CLN6: variants seen among roughly 807,000 people sequenced by gnomAD.
The protein encoded by CLN6 is CLN6 transmembrane ER protein.
A neutral mutation model predicts 33.3 loss-of-function variants in CLN6; 22 were observed. The observed-to-expected ratio is 0.66, with a 90% CI of 0.47 to 0.94. The LOEUF (loss-of-function observed/expected upper bound fraction) is 0.94, where lower values mean the gene tolerates loss of function less well. Among genes scored for constraint, CLN6 ranks in the 40% least tolerant of loss-of-function variants. The pLI is 0.00. For missense variants in CLN6, 387 were observed against 417.1 expected, an observed-to-expected ratio of 0.93 and a Z score of 0.63; for synonymous variants, 201 against 174.6, an observed-to-expected ratio of 1.15 and a Z score of -1.19.
rs1040306361 is a variant in CLN6 at position 68,214,242 on chromosome 15, T to A, written c.297+48A>T. The A allele has an allele frequency of 3.6e-6, 5 of 1,383,314 alleles. No homozygotes were observed. The Middle Eastern group carries it at 5.3e-4, about 146-fold the overall frequency. 85.7% of individuals were successfully genotyped at this position (1,383,314 alleles called of 1,614,324 possible). A position where few individuals can be genotyped will look rare whatever the true frequency, so the allele number is the denominator to read the frequency against. On this transcript the variant is annotated intron_variant, in intron 3 of 6. Coordinates refer to ENST00000249806, the MANE Select transcript of CLN6 (RefSeq NM_017882.3). ...CTTAGCATCACCTTCCTGCCAGGTG[T>A]GCAAAGAATGGGGATGACAGGAGAG...
chr15:68,223,973 G>A (rs962571880), intron 1 of CLN6, among the ~76,000 whole-genome samples: 1 of 151,938 alleles, frequency 6.6e-6, no homozygotes, highest in Non-Finnish European at 1.5e-5. Context: ...TTAAACCTGG[G>A]AGGCGGAGGT....
At position 68,219,812 on chromosome 15, in the gene CLN6, A is replaced by G. The variant is rs994687756; in HGVS notation, c.84-1162T>C. On this transcript the variant is annotated intron_variant, in intron 1 of 6. Transcript: ENST00000249806. The surrounding 1 kb of genome is among the most constrained non-coding windows in gnomAD (Gnocchi z 4.2). ...CACCTCCAGGGACAAGCAGCCAGCC[A>G]CATCCTAAGAGGACTGAGGTGTGGG... is the stretch of plus-strand genomic sequence containing the variant. 1.3e-5 allele frequency among the ~76,000 whole-genome samples: 2 copies of G among 152,194 alleles called. No individual in the cohort carries two copies. The highest frequency in any genetic ancestry group is 4.8e-5 in the African/African-American group (2 of 41,450).
chr15:68,255,923 A>G (rs1479602499), intron 1 of CLN6, among the ~76,000 whole-genome samples: 1 of 151,934 alleles, frequency 6.6e-6, no homozygotes, highest in African/African-American at 2.4e-5. Flanking sequence ...CCTCCCCAGT[A>G]GCTGGGACTA....
chr15:68,242,428 T>C lies in CLN6; in HGVS notation c.179+14262A>G, dbSNP rs914737670. 1.2e-4 allele frequency among the ~76,000 whole-genome samples: 19 copies of C among 152,082 alleles called. No homozygotes were observed. Among genetic ancestry groups the C allele is most frequent in the African/African-American group, 4.6e-4 (19 of 41,508 alleles). On this transcript the variant is annotated intron_variant, in intron 1 of 6. Transcript: ENST00000538696. This position sits in a 1 kb window ranked among gnomAD's most constrained non-coding sequence, Gnocchi z 5.0. Reference sequence around the variant, plus strand: ...AGGAATGAAGATTGCCGACAAGATATGGGAAATTGCCTCAAAAGATCAAAT... The same window carrying C: ...AGGAATGAAGATTGCCGACAAGATACGGGAAATTGCCTCAAAAGATCAAAT...
upstream of CLN6, among the ~76,000 whole-genome samples, chr15:68,230,901 C>T (rs1430377253): frequency 1.3e-5 from 2 of 152,164 alleles, no homozygotes; most frequent in South Asian, 2.1e-4. The surrounding 1 kb of genome is among the most constrained non-coding windows in gnomAD (Gnocchi z 4.0). Context: ...CTACACCAGG[C>T]GCACACGACA....
intron 2 of CLN6, 32 bp downstream of exon 2, chr15:68,218,504 G>A (rs2093226749): frequency 6.7e-7 from 1 of 1,494,396 alleles, no homozygotes; most frequent in Non-Finnish European, 9.3e-7. Flanking sequence ...CCTCAGTGCT[G>A]GTCAGAGCCC....
rs559572844 is a variant in CLN6, at chr15:68,220,230, C to T, written c.84-1580G>A. Among the ~76,000 whole-genome samples the T allele has an allele frequency of 6.6e-6, 1 of 152,336 alleles. No individual in the cohort carries two copies. Among genetic ancestry groups the T allele is most frequent in the Non-Finnish European group, 1.5e-5 (1 of 68,036 alleles). On this transcript the variant is annotated intron_variant, in intron 1 of 6. Transcript: ENST00000249806. This position sits in a 1 kb window ranked among gnomAD's most constrained non-coding sequence, Gnocchi z 4.2. ...CCCCTCTACTCGGTATCTTCCACCC[C>T]CTCACTGAACACCAACTATGTGCAA...
At position 68,229,502 on chromosome 15, in the gene CLN6, C is replaced by T. The variant is rs1381427322; in HGVS notation, c.83G>A (p.Arg28Lys). Residue 28 changes from arginine to lysine, a missense_variant and splice_region_variant, in exon 1 of 7, where the codon AGG becomes AAG. Arg to Lys is a conservative substitution (Grantham distance 26). Coordinates refer to ENST00000249806, the MANE Select transcript of CLN6 (RefSeq NM_017882.3). ...AQLGASFLQA[R>K]HGSVSADEAA... ...CCCTCTCACCCCGGCGCGCGCCCAC[C>T]TGGCCTGCAGGAAGGAGGCGCCCAG... 2 of 1,466,128 alleles carry T rather than the reference C, an allele frequency of 1.4e-6. No homozygotes were observed. Among genetic ancestry groups the T allele is most frequent in the Non-Finnish European group, 1.8e-6 (2 of 1,113,934 alleles). The allele number at this position is 1,466,128 out of a possible 1,614,324, so 90.8% of individuals were successfully genotyped here.
chr15:68,209,329 C>T lies in CLN6; in HGVS notation c.665+308G>A, dbSNP rs552458656. Among the ~76,000 whole-genome samples, 3 of 152,326 alleles carry T rather than the reference C, an allele frequency of 2.0e-5. No homozygotes were observed. The highest frequency in any genetic ancestry group is 1.9e-4 in the East Asian group (1 of 5,186). ...GCTTGGTGTCGGAGGTGGATTGTAC[C>T]GGCCCCAGGGCAACACTGGGGTTCT... On this transcript the variant is annotated intron_variant, in intron 6 of 6. Transcript: ENST00000249806. The surrounding 1 kb of genome is among the most constrained non-coding windows in gnomAD (Gnocchi z 4.9).
At chr15:68,224,952 G>T (rs1414321357) in intron 1 of CLN6, among the ~76,000 whole-genome samples, 2 of 152,114 alleles carry the variant, frequency 1.3e-5, no homozygotes, top group Non-Finnish European at 2.9e-5. Context: ...CACCACGACA[G>T]TTGAGGAGTG....
At position 68,212,059 on chromosome 15, in the gene CLN6, T is replaced by A. The variant is rs61281446; in HGVS notation, c.298-196A>T. 8.2e-6 allele frequency: 5 copies of A among 611,838 alleles called. No individual in the cohort carries two copies. In the South Asian group the frequency reaches 9.8e-5, roughly 12 times the overall value. The allele number at this position is 611,838 out of a possible 1,614,324, so 37.9% of individuals were successfully genotyped here. On this transcript the variant is annotated intron_variant, in intron 3 of 6. Transcript: ENST00000249806. ...ACCCCTATGAACCCCGGAGGGAATG[T>A]GGAGCAGCACCCCCCGCTGACTTTA...
intron 1 of CLN6, among the ~76,000 whole-genome samples, chr15:68,239,482 T>C (rs1474716457): frequency 6.6e-6 from 1 of 152,174 alleles, no homozygotes; most frequent in Non-Finnish European, 1.5e-5. Context: ...TGTAACTATA[T>C]TGTCATTTGA....
At chr15:68,233,661 G>C (rs920789352), upstream of CLN6, among the ~76,000 whole-genome samples, 1 of 152,214 alleles carries the variant, frequency 6.6e-6, no homozygotes, top group Non-Finnish European at 1.5e-5. This position sits in a 1 kb window ranked among gnomAD's most constrained non-coding sequence, Gnocchi z 4.3. Flanking sequence ...TGAGAGACAT[G>C]ACACACAGAA....
At position 68,235,587 on chromosome 15, in the gene CLN6, AATATATATATATATATATAT is replaced by A. The variant is rs59823320; in HGVS notation, c.180-16957_180-16938del. ...TGTGTCTAAAAAAAAAATAAAAATAAATATATATATATATATATATATATATATATATATATATATATATA... is the reference window on the plus strand; with the variant it reads ...TGTGTCTAAAAAAAAAATAAAAATAAATATATATATATATATATATATATA... On this transcript the variant is annotated intron_variant, in intron 1 of 6. Transcript: ENST00000538696. Among the ~76,000 whole-genome samples the A allele has an allele frequency of 1.8e-3, 169 of 95,090 alleles. 4 individuals are homozygous for A. Among genetic ancestry groups the A allele is most frequent in the Middle Eastern group, 0.01 (2 of 192 alleles). The allele number at this position is 95,090 out of a possible 152,430, so 62.4% of individuals were successfully genotyped here.
chr15:68,218,566 C>G lies in CLN6; in HGVS notation c.168G>C (p.Trp56Cys), dbSNP rs1477757203. Residue 56 changes from tryptophan (W) to cysteine (C), a missense_variant, in exon 2 of 7, where the codon TGG (tryptophan) becomes TGC (cysteine). Transcript: ENST00000249806. Reference protein sequence around the residue: ...DLWFYFTLQNWVLDFGRPIAM... With the variant: ...DLWFYFTLQNCVLDFGRPIAM... Reference sequence around the variant, plus strand: ...CAATGGGACGCCCAAAGTCCAGAACCCAGTTCTGCAGTGTGAAGTAGAACC... The same window carrying G: ...CAATGGGACGCCCAAAGTCCAGAACGCAGTTCTGCAGTGTGAAGTAGAACC... 1.2e-6 allele frequency: 2 copies of G among 1,613,800 alleles called. No individual in the cohort carries two copies. Among genetic ancestry groups the G allele is most frequent in the East Asian group, 2.2e-5 (1 of 44,894 alleles).
At chr15:68,216,710 C>T (rs756187405) in intron 2 of CLN6, among the ~76,000 whole-genome samples, 2 of 152,234 alleles carry the variant, frequency 1.3e-5, no homozygotes, top group Admixed American at 6.5e-5. Context: ...TAATGCTGGA[C>T]ACGCAAGTCA....
chr15:68,223,474 G>C (rs549555533), intron 1 of CLN6, among the ~76,000 whole-genome samples: 1 of 152,264 alleles, frequency 6.6e-6, no homozygotes, highest in Non-Finnish European at 1.5e-5. Context: ...AGCAGAGAGT[G>C]ATAACCTCCA....
chr15:68,212,090 G>GCAAA lies in CLN6; in HGVS notation c.298-228_298-227insTTTG, dbSNP rs1431163808. On this transcript the variant is annotated intron_variant, in intron 3 of 6. Transcript: ENST00000249806. Reference sequence around the variant, plus strand: ...AGCACCCCCCGCTGACTTTACCCAGGGAGCAAAAAGACCAGAGGGCCCAAC... The same window carrying GCAAA: ...AGCACCCCCCGCTGACTTTACCCAGGCAAAGAGCAAAAAGACCAGAGGGCCCAAC... The GCAAA allele has an allele frequency of 6.9e-6, 4 of 579,040 alleles. No individual in the cohort carries two copies. In the East Asian group the frequency reaches 1.2e-4, roughly 17 times the overall value. 35.9% of individuals were successfully genotyped at this position (579,040 alleles called of 1,614,324 possible). A position where few individuals can be genotyped will look rare whatever the true frequency, so the allele number is the denominator to read the frequency against.
Position 68,256,899 on chromosome 15 carries a change from T to C in CLN6, c.-31A>G, listed in dbSNP as rs1489506043. 3 of 662,814 alleles carry C rather than the reference T, an allele frequency of 4.5e-6. No individual in the cohort carries two copies. The highest frequency in any genetic ancestry group is 8.2e-6 in the Non-Finnish European group (3 of 366,100). 41.1% of individuals were successfully genotyped at this position (662,814 alleles called of 1,614,324 possible). On this transcript the variant is annotated 5_prime_UTR_variant, in exon 1 of 7. Transcript: ENST00000538696. This position sits in a 1 kb window ranked among gnomAD's most constrained non-coding sequence, Gnocchi z 4.1. Reference sequence around the variant, plus strand: ...GCCCAGGCAAGGTCCTGGGCGCGGCTCTGGGGAGGGTCAGGGTGCGCGTCC... The same window carrying C: ...GCCCAGGCAAGGTCCTGGGCGCGGCCCTGGGGAGGGTCAGGGTGCGCGTCC...
Sources: gnomAD v4.1 joint callset for allele counts (sites outside exome capture counted in the v4.1 genomes callset) on GRCh38, gnomAD v4.1.1 for gene constraint, Gnocchi (gnomAD v3.1) non-coding constraint, MANE v1.5 for transcripts, NCBI Gene and HGNC (gene_info 2026-07-23, HGNC 2026-07-21) for gene names.